Variants in TLE1 observed in about 807,000 individuals in gnomAD.
TLE1 encodes transducin-like enhancer protein 1.
Under a neutral mutation model 89.8 loss-of-function variants are expected in TLE1, and 21 were observed. That is an observed-to-expected ratio of 0.23 (90% CI 0.17 to 0.34). TLE1 has a LOEUF of 0.34. TLE1 is among the 10% of genes least tolerant of loss of function. The pLI is 1.00. For missense variants in TLE1, 795 were observed against 1,031.2 expected (o/e 0.77, Z 3.14); for synonymous variants, 447 against 407.6 (o/e 1.10, Z -1.16).
At chr9:81,655,028 T>C (rs1011236636) in intron 4 of TLE1, among the ~76,000 whole-genome samples, 2 of 151,900 alleles carry the variant, frequency 1.3e-5, no homozygotes, top group African/African-American at 2.4e-5. Flanking sequence ...CAGCTGAACA[T>C]AATAAAAGGT....
chr9:81,629,921 C>T lies in TLE1; in HGVS notation c.594+3427G>A, dbSNP rs1460062458. On this transcript the variant is annotated intron_variant, in intron 8 of 19. Transcript: ENST00000376499. ...CTATTTCCTAGGCTTCACATTAAAA[C>T]AGATTGCTTATTTAAGGCTCATTTG... Among the ~76,000 whole-genome samples, 4 of 152,296 alleles carry T rather than the reference C, an allele frequency of 2.6e-5. No homozygotes were observed. The South Asian group carries it at 6.2e-4, about 24-fold the overall frequency.
chr9:81,668,023 G>A (rs1387199156), intron 4 of TLE1, among the ~76,000 whole-genome samples: 2 of 152,140 alleles, frequency 1.3e-5, no homozygotes, highest in South Asian at 4.1e-4. Flanking sequence ...AATTAGCCGG[G>A]CGTGGTGGCA....
intron 15 of TLE1, 144 bp downstream of exon 15, chr9:81,592,881 C>T: frequency 1.7e-6 from 2 of 1,172,366 alleles, no homozygotes; most frequent in Non-Finnish European, 2.3e-6. Flanking sequence ...AAATGGGGAG[C>T]CGAGGGGGTT....
intron 4 of TLE1, among the ~76,000 whole-genome samples, chr9:81,671,930 A>T (rs1832280850): frequency 6.6e-6 from 1 of 152,170 alleles, no homozygotes; most frequent in Non-Finnish European, 1.5e-5. Context: ...ATTGGCTCTG[A>T]GGGAGCTCAT....
chr9:81,667,635 T>C (rs1425886642), intron 4 of TLE1, among the ~76,000 whole-genome samples: 1 of 151,992 alleles, frequency 6.6e-6, no homozygotes, highest in African/African-American at 2.4e-5. Context: ...TTTTGATATA[T>C]GTATCAAAGC....
chr9:81,629,418 A>T (rs539059110), intron 8 of TLE1, among the ~76,000 whole-genome samples: 1 of 152,318 alleles, frequency 6.6e-6, no homozygotes, highest in South Asian at 2.1e-4. Flanking sequence ...ATATAAGAAA[A>T]AACAGAAATC....
intron 8 of TLE1, among the ~76,000 whole-genome samples, chr9:81,631,297 CAGG>C (rs1408395087): frequency 6.6e-6 from 1 of 152,192 alleles, no homozygotes; most frequent in African/African-American, 2.4e-5. Flanking sequence ...AAAATACCAA[CAGG>C]AGGTTATCCG....
intron 4 of TLE1, among the ~76,000 whole-genome samples, chr9:81,674,621 T>TG (rs1220271504): frequency 6.6e-6 from 1 of 152,238 alleles, no homozygotes; most frequent in East Asian, 1.9e-4. Flanking sequence ...GCAAATATAC[T>TG]GGTTACATCT....
intron 14 of TLE1, among the ~76,000 whole-genome samples, chr9:81,594,874 C>T (rs1030981209): frequency 1.3e-5 from 2 of 152,182 alleles, no homozygotes; most frequent in African/African-American, 4.8e-5. Context: ...AACCCACATA[C>T]ATTTGCTTGA....
chr9:81,650,334 A>G (rs1016910758), intron 6 of TLE1, among the ~76,000 whole-genome samples: 1 of 152,230 alleles, frequency 6.6e-6, no homozygotes, highest in Non-Finnish European at 1.5e-5. Flanking sequence ...TAAACGTCAG[A>G]GTTTTGCCAT....
chr9:81,625,506 C>T (rs949120835), intron 8 of TLE1, among the ~76,000 whole-genome samples: 4 of 152,102 alleles, frequency 2.6e-5, no homozygotes, highest in Admixed American at 6.5e-5. Flanking sequence ...AGATAATTGG[C>T]GAAGTGTTTG....
chr9:81,635,080 G>A (rs1045323673), intron 6 of TLE1, among the ~76,000 whole-genome samples: 4 of 152,182 alleles, frequency 2.6e-5, no homozygotes, highest in Non-Finnish European at 5.9e-5. Context: ...CTAGGCAAGA[G>A]GGGACTGCAG....
At chr9:81,678,324 C>A in intron 4 of TLE1, among the ~76,000 whole-genome samples, 1 of 152,214 alleles carries the variant, frequency 6.6e-6, no homozygotes. Flanking sequence ...ATCCTCCTGC[C>A]TCACTCAGCA....
intron 12 of TLE1, chr9:81,612,166 A>C: frequency 1.6e-6 from 1 of 635,478 alleles, no homozygotes; most frequent in Non-Finnish European, 2.3e-6. Context: ...AAAAGACTCC[A>C]GGGGAAGCAC....
chr9:81,607,047 G>GA (rs1455719919), intron 14 of TLE1, among the ~76,000 whole-genome samples: 1 of 132,478 alleles, frequency 7.5e-6, no homozygotes, highest in African/African-American at 3.0e-5. Flanking sequence ...AACCCAGGGA[G>GA]ACCCAGTGTC....
chr9:81,594,864 A>G (rs999146387), intron 14 of TLE1, among the ~76,000 whole-genome samples: 3 of 152,216 alleles, frequency 2.0e-5, no homozygotes, highest in Non-Finnish European at 2.9e-5. Flanking sequence ...CTGCACTTAA[A>G]ACCCACATAC....
At chr9:81,665,929 G>A (rs1487266983) in intron 4 of TLE1, among the ~76,000 whole-genome samples, 3 of 151,116 alleles carry the variant, frequency 2.0e-5, no homozygotes, top group African/African-American at 7.3e-5. Context: ...TGCTGTTTGT[G>A]TAAATTTTTC....
intron 4 of TLE1, among the ~76,000 whole-genome samples, chr9:81,666,687 A>G (rs1831502393): frequency 6.6e-6 from 1 of 151,984 alleles, no homozygotes; most frequent in Non-Finnish European, 1.5e-5. Context: ...AGGCAGGAGA[A>G]TCGCTTGAAC....
At chr9:81,618,131 T>C (rs970229578) in intron 9 of TLE1, among the ~76,000 whole-genome samples, 1 of 152,168 alleles carries the variant, frequency 6.6e-6, no homozygotes, top group African/African-American at 2.4e-5. Context: ...TCATGTCCTT[T>C]AGGGCAGAGT....
Sources: allele counts gnomAD v4.1 joint callset (sites outside exome capture counted in the v4.1 genomes callset), GRCh38; gene constraint gnomAD v4.1.1; transcripts MANE v1.5; gene names NCBI Gene and HGNC (gene_info 2026-07-23, HGNC 2026-07-21).